APP: variants seen among roughly 807,000 people sequenced by gnomAD.
APP encodes amyloid beta precursor protein, also known as amyloid-beta precursor protein.
In APP, 31 loss-of-function variants were observed where a neutral mutation model predicts 101.4. That is an observed-to-expected ratio of 0.31 (90% CI 0.23 to 0.41). The LOEUF (loss-of-function observed/expected upper bound fraction) is 0.41. Among genes scored for constraint, APP ranks in the 10% least tolerant of loss-of-function variants. The pLI, the probability that APP is intolerant of heterozygous loss-of-function variation, is 1.00. For synonymous variants in APP, 366 were observed against 364.4 expected (o/e 1.00, Z -0.05); for missense variants, 839 against 1,003.7 (o/e 0.84, Z 2.22).
chr21:25,960,576 G>C (rs912020292), intron 11 of APP, among the ~76,000 whole-genome samples: 1 of 152,006 alleles, frequency 6.6e-6, no homozygotes. Context: ...CAGCTGTTAC[G>C]GAGGCCTGCA....
chr21:25,926,618 G>T (rs905500634), intron 13 of APP, among the ~76,000 whole-genome samples: 8 of 152,166 alleles, frequency 5.3e-5, no homozygotes, highest in African/African-American at 1.9e-4. Flanking sequence ...CTTAAAACTA[G>T]CAAGTGGCAG....
chr21:25,915,579 A>C (rs924814397), intron 13 of APP, among the ~76,000 whole-genome samples: 3 of 152,204 alleles, frequency 2.0e-5, no homozygotes, highest in Non-Finnish European at 4.4e-5. Context: ...AGTCTCTTCC[A>C]CCCTTGTGGA....
chr21:26,076,668 T>C (rs367690027), intron 3 of APP, among the ~76,000 whole-genome samples: 2 of 152,198 alleles, frequency 1.3e-5, no homozygotes, highest in East Asian at 1.9e-4. Context: ...AGTTGAGATA[T>C]AGCATACAAC....
intron 5 of APP, among the ~76,000 whole-genome samples, chr21:26,026,942 A>C (rs755123417): frequency 6.6e-6 from 1 of 152,240 alleles, no homozygotes; most frequent in Non-Finnish European, 1.5e-5. Context: ...CAAGTGTATG[A>C]ACAGGGAGTA....
rs1036108570 is a variant in APP, at chr21:26,063,526, GA to G, written c.356-10179del. Among the ~76,000 whole-genome samples the G allele has an allele frequency of 3.9e-3, 543 of 138,214 alleles. 1 individual carries two copies. The highest frequency in any genetic ancestry group is 0.012 in the African/African-American group (452 of 37,656). 90.7% of individuals were successfully genotyped at this position (138,214 alleles called of 152,430 possible). ...AAGATGAGACTGCAGCATCTTGTAA[GA>G]AAAAAAAAAAAGAGGCTATGTCAAA... On this transcript the variant is annotated intron_variant, in intron 3 of 17. Coordinates refer to ENST00000346798, the MANE Select transcript of APP (RefSeq NM_000484.4).
intron 1 of APP, among the ~76,000 whole-genome samples, chr21:26,154,768 T>C (rs1048916187): frequency 1.3e-5 from 2 of 152,204 alleles, no homozygotes; most frequent in African/African-American, 4.8e-5. Context: ...GATATTACTT[T>C]CTTCATCTGT....
intron 1 of APP, among the ~76,000 whole-genome samples, chr21:26,138,069 T>G (rs952706887): frequency 3.9e-5 from 6 of 152,194 alleles, no homozygotes; most frequent in African/African-American, 1.4e-4. Flanking sequence ...AACCAAAACA[T>G]GTACTAATAT....
chr21:26,086,459 G>C (rs962581800), intron 3 of APP, among the ~76,000 whole-genome samples: 1 of 152,030 alleles, frequency 6.6e-6, no homozygotes, highest in Non-Finnish European at 1.5e-5. Flanking sequence ...AGGTTAGGAA[G>C]GTTGTATGCC....
At chr21:26,131,874 T>C (rs958534092) in intron 1 of APP, among the ~76,000 whole-genome samples, 6 of 152,130 alleles carry the variant, frequency 3.9e-5, no homozygotes, top group East Asian at 3.9e-4. Context: ...GTCTGTCTAC[T>C]TCCTACTGGA....
chr21:26,055,539 T>C (rs1024343156), intron 3 of APP, among the ~76,000 whole-genome samples: 3 of 152,158 alleles, frequency 2.0e-5, no homozygotes, highest in African/African-American at 7.2e-5. Flanking sequence ...CTGAGGGCTC[T>C]CAGGGTTTCT....
chr21:26,149,993 C>T (rs1404317224), intron 1 of APP, among the ~76,000 whole-genome samples: 2 of 152,092 alleles, frequency 1.3e-5, no homozygotes, highest in Non-Finnish European at 2.9e-5. Context: ...TTTTCTCTAC[C>T]CTGTTAGGTT....
At chr21:26,166,625 TAATC>T (rs2063615893) in intron 1 of APP, among the ~76,000 whole-genome samples, 1 of 151,976 alleles carries the variant, frequency 6.6e-6, no homozygotes, top group East Asian at 1.9e-4. Flanking sequence ...AAAGATTTCA[TAATC>T]AAGCATAGTC....
intron 5 of APP, among the ~76,000 whole-genome samples, chr21:26,044,283 A>G (rs1422558550): frequency 1.3e-5 from 2 of 152,236 alleles, no homozygotes; most frequent in Non-Finnish European, 2.9e-5. Flanking sequence ...AGTCTGGGCA[A>G]CAGAGTGAGG....
intron 16 of APP, among the ~76,000 whole-genome samples, 175 bp from the exon 17 acceptor site, chr21:25,892,043 CT>C (rs2037731880): frequency 1.1e-5 from 1 of 87,426 alleles, no homozygotes; most frequent in Non-Finnish European, 2.7e-5. Flanking sequence ...TTGATGCTTA[CT>C]TTAAAAAAAA....
chr21:26,123,896 G>A (rs1231816675), intron 1 of APP, among the ~76,000 whole-genome samples: 1 of 152,030 alleles, frequency 6.6e-6, no homozygotes, highest in Admixed American at 6.6e-5. Flanking sequence ...TGACAGTAGA[G>A]CCTATAAGTA....
chr21:26,088,839 C>T (rs942589274), intron 3 of APP, among the ~76,000 whole-genome samples: 1 of 152,146 alleles, frequency 6.6e-6, no homozygotes, highest in East Asian at 1.9e-4. Context: ...TAGTTTTCTA[C>T]ACTCTCTTCA....
chr21:25,881,557 G>T lies in APP; in HGVS notation c.*113C>A. 1 of 1,217,294 alleles carries T rather than the reference G, an allele frequency of 8.2e-7. No homozygotes were observed. The highest frequency in any genetic ancestry group is 1.2e-5 in the South Asian group (1 of 82,628). The allele number at this position is 1,217,294 out of a possible 1,614,324, so 75.4% of individuals were successfully genotyped here. ...AGCACAGCTGTCAAAAGGCGATAAT[G>T]AGTAAATCATAAAACGGGTTTGTTT... On this transcript the variant is annotated 3_prime_UTR_variant, in exon 18 of 18. Transcript: ENST00000346798.
rs112668272 is a variant in APP, at chr21:25,995,567, G to A, written c.1090+1793C>T. Among the ~76,000 whole-genome samples the A allele has an allele frequency of 6.9e-4, 78 of 113,602 alleles. 1 individual carries two copies. Among genetic ancestry groups the A allele is most frequent in the African/African-American group, 2.5e-3 (73 of 28,832 alleles). The allele number at this position is 113,602 out of a possible 152,430, so 74.5% of individuals were successfully genotyped here. A position where few individuals can be genotyped will look rare whatever the true frequency, so the allele number is the denominator to read the frequency against. On this transcript the variant is annotated intron_variant, in intron 8 of 17. Transcript: ENST00000346798. ...TATGTACAAAAGGAATGAGGAAAAT[G>A]CCCACAAAGTGTTCTGAAGAAAAAT...
chr21:26,159,989 G>A (rs1569046917), intron 1 of APP, among the ~76,000 whole-genome samples: 2 of 152,124 alleles, frequency 1.3e-5, no homozygotes, highest in Admixed American at 1.3e-4. Context: ...TACCCTCTCT[G>A]CCACCACAAC....
Sources: gnomAD v4.1 joint callset for allele counts (sites outside exome capture counted in the v4.1 genomes callset) on GRCh38, gnomAD v4.1.1 for gene constraint, MANE v1.5 for transcripts, NCBI Gene and HGNC (gene_info 2026-07-23, HGNC 2026-07-21) for gene names.